The following ABCE1 variants were observed in gnomAD, a reference collection of about 807,000 sequenced individuals.
ABCE1 encodes ATP binding cassette subfamily E member 1, also known as ATP-binding cassette sub-family E member 1.
In ABCE1, 22 loss-of-function variants were observed where a neutral mutation model predicts 83.4. The ratio of observed to expected loss-of-function variants is 0.26; its 90% confidence interval spans 0.19 to 0.38. The LOEUF (loss-of-function observed/expected upper bound fraction) is 0.38, where lower values mean the gene tolerates loss of function less well. ABCE1 is among the 10% of genes least tolerant of loss of function. The pLI, the probability that ABCE1 is intolerant of heterozygous loss-of-function variation, is 1.00. For synonymous variants in ABCE1, 204 were observed against 233.7 expected (o/e 0.87, Z 1.16); for missense variants, 330 against 721.9 (o/e 0.46, Z 6.22).
At chr4:145,112,636 A>C (rs1301412062) in intron 9 of ABCE1, among the ~76,000 whole-genome samples, 3 of 152,088 alleles carry the variant, frequency 2.0e-5, no homozygotes, top group Non-Finnish European at 4.4e-5. Context: ...TCTCATTTTC[A>C]CACACACAAC....
chr4:145,121,419 T>C (rs1169607909), intron 13 of ABCE1, 28 bp downstream of exon 13: 1 of 1,563,548 alleles, frequency 6.4e-7, no homozygotes, highest in Non-Finnish European at 8.8e-7. Flanking sequence ...ATATGGTTAC[T>C]AAAGAAAATT....
chr4:145,110,417 A>G lies in ABCE1; in HGVS notation c.586A>G (p.Thr196Ala). Residue 196 changes from threonine to alanine, a missense_variant, in exon 7 of 18, where the codon ACA (threonine) becomes GCA (alanine). Transcript: ENST00000296577. Reference sequence around the variant, plus strand: ...TTTGGACCGAAAAGATGAAACAAAGACACAGGCAATTGTATGTCAGCAGCT... The same window carrying G: ...TTTGGACCGAAAAGATGAAACAAAGGCACAGGCAATTGTATGTCAGCAGCT... ...SILDRKDETK[T>A]QAIVCQQLDL... is the part of the protein sequence containing the mutation. The G allele has an allele frequency of 6.2e-7, 1 of 1,612,240 alleles. No individual in the cohort carries two copies.
At chr4:145,099,736 T>A (rs971326509) in intron 1 of ABCE1, among the ~76,000 whole-genome samples, 23 of 152,380 alleles carry the variant, frequency 1.5e-4, no homozygotes, top group African/African-American at 5.5e-4. Context: ...CTATTTCATG[T>A]GATACTAAAC....
intron 3 of ABCE1, among the ~76,000 whole-genome samples, chr4:145,106,052 A>T (rs1048137403): frequency 6.6e-6 from 1 of 151,922 alleles, no homozygotes; most frequent in African/African-American, 2.4e-5. Flanking sequence ...CAAAAATTTT[A>T]AAATTTAACA....
chr4:145,109,351 A>G, intron 5 of ABCE1, 102 bp downstream of exon 5: 1 of 616,872 alleles, frequency 1.6e-6, no homozygotes, highest in Non-Finnish European at 2.6e-6. Flanking sequence ...TTTCAAAATT[A>G]TTTATGGAAT....
chr4:145,099,764 G>A (rs1749076663), intron 1 of ABCE1, among the ~76,000 whole-genome samples: 1 of 152,156 alleles, frequency 6.6e-6, no homozygotes, highest in African/African-American at 2.4e-5. Context: ...GTTAACAGCA[G>A]TCTTTGAAAT....
chr4:145,113,859 C>T (rs1457029510), intron 9 of ABCE1, among the ~76,000 whole-genome samples: 1 of 151,966 alleles, frequency 6.6e-6, no homozygotes, highest in Non-Finnish European at 1.5e-5. Flanking sequence ...GAAACCAGAT[C>T]TTAGGAAGTT....
intron 13 of ABCE1, 124 bp downstream of exon 13, chr4:145,121,515 A>C (rs2126713097): frequency 1.4e-6 from 1 of 692,246 alleles, no homozygotes; most frequent in African/African-American, 1.8e-5. Flanking sequence ...TGATAGTTGC[A>C]AACAAATGTA....
chr4:145,102,619 A>T (rs978481598), intron 1 of ABCE1, among the ~76,000 whole-genome samples: 2 of 151,934 alleles, frequency 1.3e-5, no homozygotes, highest in African/African-American at 4.8e-5. Flanking sequence ...TGTGCAGGTG[A>T]AGAGTCGAAT....
At chr4:145,125,357 A>G (rs188616115) in intron 17 of ABCE1, among the ~76,000 whole-genome samples, 2 of 152,222 alleles carry the variant, frequency 1.3e-5, no homozygotes, top group East Asian at 3.9e-4. Flanking sequence ...AATCCCAGCT[A>G]CTTAGGAGTC....
chr4:145,112,388 A>G (rs947682534), intron 9 of ABCE1, 60 bp downstream of exon 9: 4 of 1,203,836 alleles, frequency 3.3e-6, no homozygotes, highest in Non-Finnish European at 4.7e-6. Flanking sequence ...ACAGATTTCT[A>G]AGGATTAAAC....
In ABCE1 at chr4:145,122,971, G is replaced by C. The variant is rs761822269; in HGVS notation, c.1264-50G>C. 10 of 1,279,484 alleles carry C rather than the reference G, an allele frequency of 7.8e-6. No homozygotes were observed. In the Admixed American group the frequency reaches 2.2e-4, roughly 28 times the overall value. The allele number at this position is 1,279,484 out of a possible 1,614,324, so 79.3% of individuals were successfully genotyped here. A position where few individuals can be genotyped will look rare whatever the true frequency, so the allele number is the denominator to read the frequency against. ...TTTGTCAAGATTCATAAATAGAAGA[G>C]TTCTATAGTGAAAGTTTATCATTTA... On this transcript the variant is annotated intron_variant, in intron 13 of 17. Transcript: ENST00000296577.
At chr4:145,098,909 G>T (rs991495282) in intron 1 of ABCE1, among the ~76,000 whole-genome samples, 7 of 152,192 alleles carry the variant, frequency 4.6e-5, no homozygotes, top group Admixed American at 4.6e-4. Context: ...CCATGAAGTC[G>T]AATACTCGCT....
chr4:145,118,301 T>A (rs896104026), intron 10 of ABCE1, among the ~76,000 whole-genome samples: 3 of 150,740 alleles, frequency 2.0e-5, no homozygotes, highest in African/African-American at 7.3e-5. Context: ...ACCTAAAAGC[T>A]CTTTTGGAAA....
intron 3 of ABCE1, 120 bp downstream of exon 3, chr4:145,105,810 T>C (rs561960125): frequency 2.9e-4 from 147 of 503,762 alleles, no homozygotes; most frequent in Admixed American, 3.2e-4. Flanking sequence ...GAATAGAGAA[T>C]GTAAATTTAG....
At chr4:145,111,124 T>C in intron 8 of ABCE1, 60 bp downstream of exon 8, 1 of 1,114,326 alleles carries the variant, frequency 9.0e-7, no homozygotes, top group Non-Finnish European at 1.3e-6. Context: ...TCAGTTGTGA[T>C]GCTGCTAATA....
At chr4:145,111,111 T>C in intron 8 of ABCE1, 47 bp downstream of exon 8, 1 of 1,302,534 alleles carries the variant, frequency 7.7e-7, no homozygotes, top group Non-Finnish European at 1.1e-6. Flanking sequence ...TATTGTAGAG[T>C]TTTCAGTTGT....
intron 6 of ABCE1, 63 bp downstream of exon 6, chr4:145,110,303 A>G: frequency 3.1e-6 from 5 of 1,600,030 alleles, no homozygotes; most frequent in Non-Finnish European, 2.6e-6. Context: ...ATATCAAAAT[A>G]AACTTGTTTT....
intron 10 of ABCE1, among the ~76,000 whole-genome samples, chr4:145,117,825 C>T (rs377147373): frequency 6.6e-6 from 1 of 151,696 alleles, no homozygotes; most frequent in Non-Finnish European, 1.5e-5. Context: ...AATATGTATA[C>T]TATGTTTTTG....
Sources: allele counts gnomAD v4.1 joint callset (sites outside exome capture counted in the v4.1 genomes callset), GRCh38; gene constraint gnomAD v4.1.1; transcripts MANE v1.5; gene names NCBI Gene and HGNC (gene_info 2026-07-23, HGNC 2026-07-21).